The following EPB41L4B variants were observed in gnomAD, a reference collection of about 807,000 sequenced individuals.
EPB41L4B encodes erythrocyte membrane protein band 4.1 like 4B.
In EPB41L4B, 30 loss-of-function variants were observed where a neutral mutation model predicts 112.5. That is an observed-to-expected ratio of 0.27 (90% CI 0.20 to 0.36). The LOEUF is 0.36. Ranked by LOEUF, EPB41L4B falls within the 10% of genes least tolerant of loss-of-function variation. EPB41L4B has a pLI of 1.00. For synonymous variants in EPB41L4B, 408 were observed against 439.7 expected, an observed-to-expected ratio of 0.93 and a Z score of 0.90; for missense variants, 1,024 against 1,133.3, an observed-to-expected ratio of 0.90 and a Z score of 1.38.
intron 22 of EPB41L4B, among the ~76,000 whole-genome samples, chr9:109,187,869 G>T (rs1428093170): frequency 6.6e-6 from 1 of 152,148 alleles, no homozygotes; most frequent in East Asian, 1.9e-4. Flanking sequence ...CACCGCACAA[G>T]CCTTTCTGAC....
At chr9:109,310,024 A>G (rs1837358283) in intron 1 of EPB41L4B, among the ~76,000 whole-genome samples, 1 of 152,180 alleles carries the variant, frequency 6.6e-6, no homozygotes, top group African/African-American at 2.4e-5. Flanking sequence ...CCCAGGATAG[A>G]TGCTTCCTGG....
At chr9:109,267,399 C>A in intron 4 of EPB41L4B, 74 bp downstream of exon 4, 1 of 930,166 alleles carries the variant, frequency 1.1e-6, no homozygotes, top group South Asian at 1.5e-5. Context: ...GGCAAACCCA[C>A]AATTGAGAAG....
At chr9:109,268,495 C>T in intron 2 of EPB41L4B, 62 bp from the exon 3 acceptor site, 3 of 1,431,340 alleles carry the variant, frequency 2.1e-6, no homozygotes, top group South Asian at 2.5e-5. Context: ...TCAGCCCTCA[C>T]AGTTACCCTC....
Position 109,297,514 on chromosome 9 carries a change from C to T in EPB41L4B, c.307-17593G>A, listed in dbSNP as rs1019299046. On this transcript the variant is annotated intron_variant, in intron 1 of 25. Coordinates refer to ENST00000374566, the MANE Select transcript of EPB41L4B (RefSeq NM_019114.5). Reference sequence around the variant, plus strand: ...GGAGGTGATAGCACGCATTTCCCACCGAGTGATTTGAGGATGAAATGAGAA... The same window carrying T: ...GGAGGTGATAGCACGCATTTCCCACTGAGTGATTTGAGGATGAAATGAGAA... Among the ~76,000 whole-genome samples the T allele has an allele frequency of 4.6e-5, 7 of 152,302 alleles. No individual in the cohort carries two copies. The South Asian group carries it at 1.2e-3, about 27-fold the overall frequency.
intron 15 of EPB41L4B, chr9:109,240,657 A>G (rs757708980): frequency 4.1e-6 from 4 of 985,352 alleles, no homozygotes; most frequent in Non-Finnish European, 4.8e-6. Context: ...CCAACAGACT[A>G]GGGCAACAAC....
At chr9:109,251,574 G>A (rs1834789783) in intron 12 of EPB41L4B, 63 bp from the exon 13 acceptor site, 4 of 1,443,704 alleles carry the variant, frequency 2.8e-6, no homozygotes, top group Non-Finnish European at 3.9e-6. Flanking sequence ...ACCATGCAAT[G>A]ACAGATAATG....
At chr9:109,277,350 CG>C (rs1361946354) in intron 2 of EPB41L4B, among the ~76,000 whole-genome samples, 1 of 148,604 alleles carries the variant, frequency 6.7e-6, no homozygotes, top group Non-Finnish European at 1.5e-5. Flanking sequence ...CAGACAGAAT[CG>C]GAAGTGTAGG....
At chr9:109,220,541 T>G (rs1176537104) in intron 15 of EPB41L4B, among the ~76,000 whole-genome samples, 1 of 152,116 alleles carries the variant, frequency 6.6e-6, no homozygotes, top group Non-Finnish European at 1.5e-5. Flanking sequence ...TTCTGGGATA[T>G]TTTGAAGCTG....
chr9:109,271,130 G>A (rs1426880001), intron 2 of EPB41L4B, among the ~76,000 whole-genome samples: 2 of 152,216 alleles, frequency 1.3e-5, no homozygotes, highest in Admixed American at 6.5e-5. Flanking sequence ...ACCTGTGGCT[G>A]GTGTGCATTC....
chr9:109,189,140 C>A (rs1204195567), intron 22 of EPB41L4B, among the ~76,000 whole-genome samples: 1 of 152,164 alleles, frequency 6.6e-6, no homozygotes, highest in African/African-American at 2.4e-5. Context: ...CCCTTCTCAC[C>A]CACGTATTCC....
At chr9:109,253,315 T>C (rs533068609) in intron 12 of EPB41L4B, 126 bp downstream of exon 12, 1 of 673,260 alleles carries the variant, frequency 1.5e-6, no homozygotes, top group African/African-American at 1.8e-5. Context: ...TGGGATTATT[T>C]TTCCAAAAGC....
rs1416904400 is a variant in EPB41L4B at position 109,255,517 on chromosome 9, C to A, written c.1163G>T (p.Arg388Ile). 6.2e-7 allele frequency: 1 copy of A among 1,614,032 alleles called. No individual in the cohort carries two copies. ...TGCAGAAATGGCTCCCTACCTGAAT[C>A]TGAAGCGAGAGCCCAGCCTGATAAA... ...SDFIRLGSRF[R>I]FSGRTEYQAT... The change falls in exon 11 of 26, where the codon AGA (arginine) becomes ATA (isoleucine). Residue 388 changes from arginine to isoleucine, a missense_variant. Coordinates refer to ENST00000374566, the MANE Select transcript of EPB41L4B (RefSeq NM_019114.5).
chr9:109,210,125 G>T (rs759705093), intron 17 of EPB41L4B, among the ~76,000 whole-genome samples: 3 of 151,924 alleles, frequency 2.0e-5, no homozygotes, highest in Non-Finnish European at 4.4e-5. Context: ...ACTAATGATC[G>T]ATCCTGAGCT....
In EPB41L4B at chr9:109,260,770, T is replaced by C. The variant is rs1416291934; in HGVS notation, c.631+2280A>G. On this transcript the variant is annotated intron_variant, in intron 6 of 25. Coordinates refer to ENST00000374566, the MANE Select transcript of EPB41L4B (RefSeq NM_019114.5). ...TATGATTTCAGCTCAAAGGATAATT[T>C]CTCCAAGAACGGTCACAGAGAACTG... Among the ~76,000 whole-genome samples the C allele has an allele frequency of 3.9e-5, 6 of 152,274 alleles. No homozygotes were observed. In the East Asian group the frequency reaches 1.2e-3, roughly 29 times the overall value.
chr9:109,313,402 AAGG>A (rs1837494566), intron 1 of EPB41L4B, among the ~76,000 whole-genome samples: 2 of 149,620 alleles, frequency 1.3e-5, no homozygotes, highest in African/African-American at 5.1e-5. Context: ...GAGGCTGCAG[AAGG>A]AGTGAGATTA....
chr9:109,288,930 GGAAA>G (rs1223464332), intron 1 of EPB41L4B, among the ~76,000 whole-genome samples: 1 of 151,258 alleles, frequency 6.6e-6, no homozygotes, highest in Non-Finnish European at 1.5e-5. Context: ...GAAAAAGAAA[GGAAA>G]GAAAGTTTCT....
At chr9:109,228,819 T>G (rs1026708535) in intron 15 of EPB41L4B, among the ~76,000 whole-genome samples, 5 of 152,208 alleles carry the variant, frequency 3.3e-5, no homozygotes, top group Non-Finnish European at 5.9e-5. Flanking sequence ...TGTTCCACCT[T>G]CCTACTCTTT....
rs1832489490 is a variant in EPB41L4B at position 109,192,357 on chromosome 9, T to C, written c.2224-2A>G. On this transcript the variant is annotated splice_acceptor_variant, in intron 21 of 25. Coordinates refer to ENST00000374566, the MANE Select transcript of EPB41L4B (RefSeq NM_019114.5). LOFTEE classifies it high-confidence loss of function. ...GGCACCTCCTCGGTCAGAGGGGCTC[T>C]AGGGAGACAGACAAACACCCCTGGT... 3 of 1,600,854 alleles carry C rather than the reference T, an allele frequency of 1.9e-6. No individual in the cohort carries two copies. The highest frequency in any genetic ancestry group is 1.3e-5 in the African/African-American group (1 of 74,074).
intron 24 of EPB41L4B, 77 bp downstream of exon 24, chr9:109,182,652 G>T: frequency 1.8e-6 from 2 of 1,085,564 alleles, no homozygotes; most frequent in Non-Finnish European, 2.8e-6. Flanking sequence ...TGACCTTGCT[G>T]TCTGGCATCC....
Sources: gnomAD v4.1 joint callset for allele counts (sites outside exome capture counted in the v4.1 genomes callset) on GRCh38, gnomAD v4.1.1 for gene constraint, MANE v1.5 for transcripts, NCBI Gene and HGNC (gene_info 2026-07-23, HGNC 2026-07-21) for gene names.